The following UNC13A variants were observed in gnomAD, a reference collection of about 807,000 sequenced individuals.
UNC13A encodes protein unc-13 homolog A.
A neutral mutation model predicts 219.7 loss-of-function variants in UNC13A; 61 were observed. That is an observed-to-expected ratio of 0.28 (90% confidence interval 0.23 to 0.34). The LOEUF is 0.34. UNC13A is among the 10% of genes least tolerant of loss of function. The pLI, the probability that UNC13A is intolerant of heterozygous loss-of-function variation, is 1.00. For synonymous variants in UNC13A, 920 were observed against 884.6 expected (o/e 1.04, Z -0.71); for missense variants, 1,476 against 2,270.3 (o/e 0.65, Z 7.11).
At chr19:17,632,081 T>C (rs1012985115) in intron 28 of UNC13A, among the ~76,000 whole-genome samples, 2 of 152,134 alleles carry the variant, frequency 1.3e-5, no homozygotes, top group African/African-American at 4.8e-5. Context: ...TGGCTAATTT[T>C]TGTATTTTTA....
In UNC13A at chr19:17,627,717, C is replaced by A. The variant is rs2076798388; in HGVS notation, c.3832-120G>T. ...GCTGCAGGGGAAACTGAGGCACAGACCGTTATGCTGCAAGCCTGGGTTTAA... is the reference window on the plus strand; with the variant it reads ...GCTGCAGGGGAAACTGAGGCACAGAACGTTATGCTGCAAGCCTGGGTTTAA... On this transcript the variant is annotated intron_variant, in intron 32 of 43. Coordinates refer to ENST00000519716, the MANE Select transcript of UNC13A (RefSeq NM_001080421.3). The surrounding 1 kb of genome is among the most constrained non-coding windows in gnomAD (Gnocchi z 4.7). The A allele has an allele frequency of 1.6e-6, 2 of 1,247,390 alleles. No individual in the cohort carries two copies. Among genetic ancestry groups the A allele is most frequent in the Non-Finnish European group, 2.3e-6 (2 of 882,410 alleles). 77.3% of individuals were successfully genotyped at this position (1,247,390 alleles called of 1,614,324 possible). A position where few individuals can be genotyped will look rare whatever the true frequency, so the allele number is the denominator to read the frequency against.
intron 16 of UNC13A, 144 bp from the exon 17 acceptor site, chr19:17,647,636 C>A: frequency 1.4e-6 from 1 of 737,108 alleles, no homozygotes; most frequent in South Asian, 1.8e-5. Flanking sequence ...TTTCTGTACC[C>A]CCCACCCAGA....
chr19:17,632,889 T>C lies in UNC13A; in HGVS notation c.3321A>G (p.Leu1107=). 4.3e-6 allele frequency: 7 copies of C among 1,614,008 alleles called. No individual in the cohort carries two copies. Among genetic ancestry groups the C allele is most frequent in the Non-Finnish European group, 4.2e-6 (5 of 1,179,906 alleles). ...YAMEEHDKHR[L]CKSADYMNLH... is the part of the protein sequence containing the mutation. ...GGTTCATGTAGTCGGCACTCTTGCA[T>C]AGACGATGCTTGTCGTGCTCTGGCC... Residue 1107 remains leucine (L), a synonymous_variant, in exon 28 of 44, where the codon CTA becomes CTG. Coordinates refer to ENST00000519716, the MANE Select transcript of UNC13A (RefSeq NM_001080421.3).
Position 17,632,840 on chromosome 19 carries a change from A to G in UNC13A, c.3370T>C (p.Tyr1124His). The G allele has an allele frequency of 6.2e-7, 1 of 1,614,004 alleles. No homozygotes were observed. The highest frequency in any genetic ancestry group is 8.5e-7 in the Non-Finnish European group (1 of 1,179,898). The change falls in exon 28 of 44, where the codon TAC becomes CAC. Residue 1124 changes from tyrosine to histidine, a missense_variant. Coordinates refer to ENST00000519716, the MANE Select transcript of UNC13A (RefSeq NM_001080421.3). ...GGAAGTTCCGTCACATACTCATTGT[A>G]GAGCCATTTCACCTTGAAGTGGAGG... ...MNLHFKVKWL[Y>H]NEYVTELPAF...
At chr19:17,666,593 G>C in intron 7 of UNC13A, 57 bp downstream of exon 7, 1 of 1,341,428 alleles carries the variant, frequency 7.5e-7, no homozygotes. Flanking sequence ...CAGTCATGGG[G>C]TAGGGGAGGG....
intron 19 of UNC13A, among the ~76,000 whole-genome samples, chr19:17,645,021 T>C (rs2077010459): frequency 6.6e-6 from 1 of 150,602 alleles, no homozygotes; most frequent in Non-Finnish European, 1.5e-5. Context: ...TTTTTTTTTT[T>C]TTTTGAGTGG....
At chr19:17,631,181 T>TCCTTCCTTCCTCCCTC (rs2076846180) in intron 28 of UNC13A, among the ~76,000 whole-genome samples, 2 of 11,316 alleles carry the variant, frequency 1.8e-4, no homozygotes, top group Non-Finnish European at 2.2e-4. Context: ...CTCCCTCCTT[T>TCCTTCCTTCCTCCCTC]CCTTCCTTCC....
chr19:17,642,355 C>T (rs2076980185), intron 20 of UNC13A, among the ~76,000 whole-genome samples: 1 of 152,194 alleles, frequency 6.6e-6, no homozygotes, highest in South Asian at 2.1e-4. Context: ...ATCCATCCAT[C>T]ATCCATCTAG....
chr19:17,618,393 T>C, intron 40 of UNC13A, 28 bp downstream of exon 40: 1 of 1,554,360 alleles, frequency 6.4e-7, no homozygotes, highest in Non-Finnish European at 8.7e-7. Flanking sequence ...ATCCCCCACC[T>C]GGGATGGGGA....
chr19:17,630,168 G>GC lies in UNC13A; in HGVS notation c.3645dup (p.His1216AlafsTer12). 6.4e-7 allele frequency: 1 copy of GC among 1,551,988 alleles called. No individual in the cohort carries two copies. Among genetic ancestry groups the GC allele is most frequent in the Non-Finnish European group, 8.7e-7 (1 of 1,147,092 alleles). ...ACCTTGGCAAAGCGCCTCATGTAGT[G>GC]CCCCACGATCTGAGGGTCGGGACAC... On this transcript the variant is annotated frameshift_variant, in exon 30 of 44. Coordinates refer to ENST00000519716, the MANE Select transcript of UNC13A (RefSeq NM_001080421.3). LOFTEE classifies it high-confidence loss of function.
At position 17,688,278 on chromosome 19, in the gene UNC13A, A is replaced by G. The variant is rs2080153982; in HGVS notation, c.-79T>C. The G allele has an allele frequency of 2.2e-6, 3 of 1,367,498 alleles. No homozygotes were observed. Among genetic ancestry groups the G allele is most frequent in the East Asian group, 6.2e-5 (2 of 32,098 alleles). The allele number at this position is 1,367,498 out of a possible 1,614,324, so 84.7% of individuals were successfully genotyped here. ...GGCTCAGCGGCCGCTGGGCTGGGGC[A>G]TCTCCCGGCTGCAGCCCGCGCTTGG... On this transcript the variant is annotated 5_prime_UTR_variant, in exon 1 of 44. An upstream start codon of the reference 5' UTR is lost. Transcript: ENST00000519716.
chr19:17,609,556 C>T (rs954883591), intron 43 of UNC13A, among the ~76,000 whole-genome samples: 5 of 152,048 alleles, frequency 3.3e-5, no homozygotes, highest in African/African-American at 1.2e-4. Context: ...TCCCTCAGCC[C>T]CCCGCTCATA....
At chr19:17,612,794 G>A (rs1485123042) in intron 41 of UNC13A, among the ~76,000 whole-genome samples, 2 of 152,112 alleles carry the variant, frequency 1.3e-5, no homozygotes, top group Non-Finnish European at 2.9e-5. Context: ...GCAGTGAGAC[G>A]AGATCGCACC....
chr19:17,643,369 G>A lies in UNC13A; in HGVS notation c.2357-409C>T, dbSNP rs116263957. On this transcript the variant is annotated intron_variant, in intron 19 of 43. Transcript: ENST00000519716. ...TTTTTGAGATCTGTGGTCCAGGTTA[G>A]AGTGCGGTGGCGCAATCTTGGCTCA... Among the ~76,000 whole-genome samples, 1,465 of 152,130 alleles carry A rather than the reference G, an allele frequency of 9.6e-3. 29 individuals carry two copies. The highest frequency in any genetic ancestry group is 0.033 in the African/African-American group (1,377 of 41,488).
At chr19:17,619,137 C>A in intron 38 of UNC13A, 175 bp from the exon 39 acceptor site, 1 of 627,040 alleles carries the variant, frequency 1.6e-6, no homozygotes, top group South Asian at 1.9e-5. Context: ...GACCTTGTCC[C>A]TGAAAATCCC....
intron 4 of UNC13A, among the ~76,000 whole-genome samples, chr19:17,670,942 A>ATAAAATAAAAT (rs1555698000): frequency 0.028 from 4,179 of 151,142 alleles, 77 homozygotes; most frequent in Non-Finnish European, 0.042. Flanking sequence ...ATAAAATAAA[A>ATAAAATAAAAT]TAAAATAAAA....
rs1409055641 is a variant in UNC13A, at chr19:17,601,893, G to T, written c.*4161C>A. ...CAACGATTCTTAGGAAAGGATTCTG[G>T]GGAGCAGACGGGGTTGTGATCCGGG... On this transcript the variant is annotated 3_prime_UTR_variant, in exon 44 of 44. Coordinates refer to ENST00000519716, the MANE Select transcript of UNC13A (RefSeq NM_001080421.3). 6.6e-6 allele frequency: 1 copy of T among 152,620 alleles called. No individual in the cohort carries two copies. Among genetic ancestry groups the T allele is most frequent in the African/African-American group, 2.4e-5 (1 of 41,448 alleles). 9.5% of individuals were successfully genotyped at this position (152,620 alleles called of 1,614,324 possible).
chr19:17,681,069 C>CTTTT (rs71929988), intron 1 of UNC13A, among the ~76,000 whole-genome samples: 25 of 96,074 alleles, frequency 2.6e-4, no homozygotes, highest in African/African-American at 4.9e-4. Context: ...TTGGCTATTC[C>CTTTT]TTTTTTTTTT....
intron 21 of UNC13A, 142 bp from the exon 22 acceptor site, chr19:17,640,803 G>C: frequency 2.4e-6 from 2 of 820,210 alleles, no homozygotes; most frequent in Non-Finnish European, 3.6e-6. Flanking sequence ...CTGTCCTTTG[G>C]GTCTCCGCAT....
Sources: allele counts gnomAD v4.1 joint callset (sites outside exome capture counted in the v4.1 genomes callset), GRCh38; gene constraint gnomAD v4.1.1; non-coding constraint Gnocchi (gnomAD v3.1); transcripts MANE v1.5; gene names NCBI Gene and HGNC (gene_info 2026-07-23, HGNC 2026-07-21).